The following SMAP1 variants were observed in gnomAD, a reference collection of about 807,000 sequenced individuals.
SMAP1 encodes the protein stromal membrane-associated protein 1.
Under a neutral mutation model 58.5 loss-of-function variants are expected in SMAP1, and 24 were observed. The ratio of observed to expected loss-of-function variants is 0.41; its 90% confidence interval spans 0.30 to 0.58. SMAP1 has a LOEUF of 0.58. SMAP1 is among the 20% of genes least tolerant of loss of function. The pLI is 0.29. For synonymous variants in SMAP1, 216 were observed against 196.6 expected, an observed-to-expected ratio of 1.10 and a Z score of -0.82; for missense variants, 563 against 566.3, an observed-to-expected ratio of 0.99 and a Z score of 0.06.
intron 1 of SMAP1, among the ~76,000 whole-genome samples, chr6:70,708,761 T>G (rs1582038392): frequency 6.6e-6 from 1 of 152,208 alleles, no homozygotes; most frequent in African/African-American, 2.4e-5. Flanking sequence ...TTTTTATGCC[T>G]TCTTTGGAAA....
intron 6 of SMAP1, among the ~76,000 whole-genome samples, chr6:70,806,727 G>A (rs1345919488): frequency 6.6e-6 from 1 of 152,190 alleles, no homozygotes; most frequent in African/African-American, 2.4e-5. Context: ...AGTAATTAAA[G>A]CCATTAATAT....
intron 2 of SMAP1, among the ~76,000 whole-genome samples, chr6:70,737,540 G>A (rs557894162): frequency 6.6e-6 from 1 of 152,294 alleles, no homozygotes; most frequent in Admixed American, 6.5e-5. Context: ...AGATTCTTCT[G>A]TATGTAGTAT....
intron 6 of SMAP1, among the ~76,000 whole-genome samples, chr6:70,818,170 G>T (rs951305931): frequency 7.3e-5 from 11 of 151,316 alleles, no homozygotes; most frequent in Non-Finnish European, 1.6e-4. Context: ...GAGGCGGGCG[G>T]ATTACCTGAG....
chr6:70,795,423 A>G (rs1421379395), intron 5 of SMAP1, among the ~76,000 whole-genome samples: 3 of 152,218 alleles, frequency 2.0e-5, no homozygotes, highest in Non-Finnish European at 4.4e-5. Flanking sequence ...GACAAAGATC[A>G]AGTCTCCAGC....
At chr6:70,774,680 A>G (rs921113439) in intron 4 of SMAP1, among the ~76,000 whole-genome samples, 1 of 151,664 alleles carries the variant, frequency 6.6e-6, no homozygotes, top group African/African-American at 2.4e-5. Context: ...GGAGTTCAAG[A>G]CCAGGCTGCT....
intron 1 of SMAP1, among the ~76,000 whole-genome samples, chr6:70,696,739 G>A (rs1011554493): frequency 3.3e-5 from 5 of 152,150 alleles, no homozygotes; most frequent in Non-Finnish European, 7.4e-5. Flanking sequence ...GAAATGTTTT[G>A]CAGATATCTG....
intron 4 of SMAP1, among the ~76,000 whole-genome samples, chr6:70,789,078 T>C (rs1768221099): frequency 6.6e-6 from 1 of 152,216 alleles, no homozygotes; most frequent in Non-Finnish European, 1.5e-5. Context: ...CCCTGTGTTC[T>C]GTACTGTCAC....
At position 70,826,700 on chromosome 6, in the gene SMAP1, G is replaced by A. The variant is rs565554177; in HGVS notation, c.577-10241G>A. Among the ~76,000 whole-genome samples, 19 of 152,072 alleles carry A rather than the reference G, an allele frequency of 1.2e-4. No individual in the cohort carries two copies. The South Asian group carries it at 3.7e-3, about 30-fold the overall frequency. On this transcript the variant is annotated intron_variant, in intron 6 of 10. Coordinates refer to ENST00000370455, the MANE Select transcript of SMAP1 (RefSeq NM_001044305.3). ...GAGCCTGGGAGGTCAAGGCTTCAGTGCGTGGTGATTGCACCACTGCACTCC... is the reference window on the plus strand; with the variant it reads ...GAGCCTGGGAGGTCAAGGCTTCAGTACGTGGTGATTGCACCACTGCACTCC...
chr6:70,841,407 G>T (rs576589187), intron 7 of SMAP1, among the ~76,000 whole-genome samples: 1 of 152,264 alleles, frequency 6.6e-6, no homozygotes, highest in East Asian at 1.9e-4. Flanking sequence ...TGTCTGGGGG[G>T]ACCGCATCCT....
intron 4 of SMAP1, among the ~76,000 whole-genome samples, chr6:70,784,872 C>T (rs1168257500): frequency 6.6e-6 from 1 of 152,184 alleles, no homozygotes; most frequent in Non-Finnish European, 1.5e-5. Flanking sequence ...TAACACCCCA[C>T]TGTCAACATT....
At chr6:70,839,350 T>A (rs1415742911) in intron 7 of SMAP1, among the ~76,000 whole-genome samples, 1 of 152,214 alleles carries the variant, frequency 6.6e-6, no homozygotes, top group Admixed American at 6.5e-5. Context: ...TAGGGTTTGG[T>A]TGTGGCAGCA....
chr6:70,851,398 G>T (rs1031549656), intron 7 of SMAP1, among the ~76,000 whole-genome samples: 12 of 152,154 alleles, frequency 7.9e-5, no homozygotes, highest in Admixed American at 5.9e-4. Context: ...CAGTATTTGA[G>T]TATCTACTTT....
chr6:70,809,886 T>C (rs1769311899), intron 6 of SMAP1, among the ~76,000 whole-genome samples: 1 of 152,164 alleles, frequency 6.6e-6, no homozygotes, highest in African/African-American at 2.4e-5. Context: ...AAATAATAGA[T>C]TCAGTATCAC....
intron 1 of SMAP1, among the ~76,000 whole-genome samples, chr6:70,682,005 A>G (rs1766730124): frequency 6.6e-6 from 1 of 152,080 alleles, no homozygotes; most frequent in Non-Finnish European, 1.5e-5. Context: ...TACAAATGAA[A>G]TGGTTAGCTT....
intron 4 of SMAP1, among the ~76,000 whole-genome samples, chr6:70,789,681 A>T (rs2149940534): frequency 7.5e-6 from 1 of 132,488 alleles, no homozygotes; most frequent in African/African-American, 2.8e-5. Context: ...GCTTGAGTTC[A>T]GGAGTTTGAG....
chr6:70,804,844 T>C (rs1178621979), intron 6 of SMAP1, among the ~76,000 whole-genome samples: 2 of 152,232 alleles, frequency 1.3e-5, no homozygotes, highest in Non-Finnish European at 2.9e-5. Context: ...TTCTGGCCTA[T>C]AGTGTTTCTG....
intron 7 of SMAP1, among the ~76,000 whole-genome samples, chr6:70,843,929 T>C (rs1770893465): frequency 1.3e-5 from 2 of 152,144 alleles, no homozygotes; most frequent in African/African-American, 4.8e-5. Flanking sequence ...TTTGAAGGAA[T>C]GTGTGGAGAA....
rs747056974 is a variant in SMAP1 at position 70,791,777 on chromosome 6, C to A, written c.495+8C>A. On this transcript the variant is annotated splice_region_variant and intron_variant, in intron 5 of 10. Transcript: ENST00000370455. ...GACAAAAATAAATTGGAGGTATGGT[C>A]ATGTTTTAACCAGCTACATTATGTA... 6 of 1,608,674 alleles carry A rather than the reference C, an allele frequency of 3.7e-6. No homozygotes were observed. The African/African-American group carries it at 5.3e-5, about 14-fold the overall frequency.
At chr6:70,729,230 G>A (rs1204718158) in intron 1 of SMAP1, among the ~76,000 whole-genome samples, 1 of 152,056 alleles carries the variant, frequency 6.6e-6, no homozygotes, top group African/African-American at 2.4e-5. Context: ...ACGAGGTCAG[G>A]AGATCAAGAC....
Sources: gnomAD v4.1 joint callset for allele counts (sites outside exome capture counted in the v4.1 genomes callset) on GRCh38, gnomAD v4.1.1 for gene constraint, MANE v1.5 for transcripts, NCBI Gene and HGNC (gene_info 2026-07-23, HGNC 2026-07-21) for gene names.